MKLN1: variants seen among roughly 807,000 people sequenced by gnomAD.
The protein encoded by MKLN1 is muskelin 1.
Under a neutral mutation model 99.0 loss-of-function variants are expected in MKLN1, and 18 were observed. The ratio of observed to expected loss-of-function variants is 0.18; its 90% confidence interval spans 0.13 to 0.27. The LOEUF is 0.27. Among genes scored for constraint, MKLN1 ranks in the 10% least tolerant of loss-of-function variants. MKLN1 has a pLI of 1.00. For synonymous variants in MKLN1, 288 were observed against 293.2 expected (o/e 0.98, Z 0.18); for missense variants, 621 against 875.9 (o/e 0.71, Z 3.67).
rs1584833263 is a variant in MKLN1 at position 131,206,256 on chromosome 7, G to T, written c.-179+3282G>T. ...TCTGGGATAATCCCCATATTTTAAA[G>T]TAAACTAATTTGGAACTTAAATTAC... On this transcript the variant is annotated intron_variant, in intron 3 of 7. Transcript: ENST00000416992. Among the ~76,000 whole-genome samples the T allele has an allele frequency of 2.0e-5, 3 of 152,130 alleles. 1 individual carries two copies. In the East Asian group the frequency reaches 5.8e-4, roughly 29 times the overall value.
intron 2 of MKLN1, among the ~76,000 whole-genome samples, chr7:131,181,081 C>T (rs1376994979): frequency 6.6e-6 from 1 of 152,104 alleles, no homozygotes; most frequent in Non-Finnish European, 1.5e-5. Context: ...GGACGTTTTC[C>T]CCTTCCCATC....
At chr7:131,258,780 T>C (rs1020947434) in intron 3 of MKLN1, among the ~76,000 whole-genome samples, 1 of 152,182 alleles carries the variant, frequency 6.6e-6, no homozygotes, top group East Asian at 1.9e-4. Flanking sequence ...AAATATCTAT[T>C]CATGAAAAAG....
At chr7:131,475,762 G>A (rs1452477643) in intron 16 of MKLN1, among the ~76,000 whole-genome samples, 2 of 152,168 alleles carry the variant, frequency 1.3e-5, no homozygotes, top group African/African-American at 4.8e-5. Context: ...AGTGAGCTGT[G>A]ATCATACCAC....
chr7:131,444,183 C>G (rs115713833), intron 11 of MKLN1, among the ~76,000 whole-genome samples: 3,757 of 152,042 alleles, frequency 0.025, 151 homozygotes, highest in African/African-American at 0.085. Context: ...AACCCCATCC[C>G]CAGTAAAAAT....
intron 3 of MKLN1, among the ~76,000 whole-genome samples, chr7:131,319,588 G>A (rs948990727): frequency 1.3e-5 from 2 of 152,092 alleles, no homozygotes; most frequent in African/African-American, 4.8e-5. Context: ...TGGAAGTTCT[G>A]GCCCAGGGCA....
At chr7:131,236,684 G>A (rs1295112517) in intron 3 of MKLN1, among the ~76,000 whole-genome samples, 1 of 152,026 alleles carries the variant, frequency 6.6e-6, no homozygotes, top group Non-Finnish European at 1.5e-5. Flanking sequence ...AAAAAAAGTA[G>A]TGATGGAGAG....
intron 1 of MKLN1, among the ~76,000 whole-genome samples, chr7:131,134,511 C>A (rs758714984): frequency 6.6e-6 from 1 of 152,218 alleles, no homozygotes; most frequent in Non-Finnish European, 1.5e-5. Context: ...TTCATTTGCA[C>A]TGGATATCCC....
intron 12 of MKLN1, among the ~76,000 whole-genome samples, chr7:131,451,966 T>C (rs1416556997): frequency 2.0e-5 from 3 of 152,238 alleles, no homozygotes; most frequent in African/African-American, 7.2e-5. Flanking sequence ...CTTCTTCATT[T>C]GCCAAATGCT....
intron 2 of MKLN1, among the ~76,000 whole-genome samples, chr7:131,185,198 C>T (rs551661643): frequency 2.6e-5 from 4 of 152,220 alleles, no homozygotes; most frequent in African/African-American, 4.8e-5. Context: ...AGAGCAGCTG[C>T]GAACACAATT....
At chr7:131,435,052 A>G (rs375627890) in intron 9 of MKLN1, among the ~76,000 whole-genome samples, 4 of 152,268 alleles carry the variant, frequency 2.6e-5, no homozygotes, top group East Asian at 3.9e-4. Flanking sequence ...CTATTTTGCT[A>G]TGAGTTTTGA....
At chr7:131,248,706 G>A (rs1289610705) in intron 3 of MKLN1, among the ~76,000 whole-genome samples, 1 of 152,234 alleles carries the variant, frequency 6.6e-6, no homozygotes, top group South Asian at 2.1e-4. Flanking sequence ...AAAGTTGGTT[G>A]GTTTCTCATT....
At chr7:131,211,261 C>A (rs954750870) in intron 3 of MKLN1, among the ~76,000 whole-genome samples, 2 of 152,156 alleles carry the variant, frequency 1.3e-5, no homozygotes, top group African/African-American at 4.8e-5. Context: ...CAGTTATGTA[C>A]ATTAAAAGTT....
In MKLN1 at chr7:131,411,324, A is replaced by G. The variant is rs189632493; in HGVS notation, c.722A>G (p.Tyr241Cys). 7.5e-6 allele frequency: 12 copies of G among 1,608,876 alleles called. No individual in the cohort carries two copies. The highest frequency in any genetic ancestry group is 6.7e-5 in the African/African-American group (5 of 74,772). The change falls in exon 7 of 18, where the codon TAT becomes TGT. Residue 241 changes from tyrosine to cysteine, a missense_variant. Tyr to Cys is a radical substitution (Grantham distance 194). This residue lies in a region of MKLN1 where 361 missense variants were observed against 540.8 expected (regional missense o/e 0.67). Coordinates refer to ENST00000352689, the MANE Select transcript of MKLN1 (RefSeq NM_013255.5). ...KAVNDGLFNQYISQQEYKPRW... is the reference protein window; with the variant it reads ...KAVNDGLFNQCISQQEYKPRW... Reference sequence around the variant, plus strand: ...TTTGCAGATGGCTTGTTCAATCAGTATATCAGTCAACAGGAATATAAGCCA... The same window carrying G: ...TTTGCAGATGGCTTGTTCAATCAGTGTATCAGTCAACAGGAATATAAGCCA...
chr7:131,304,472 T>C (rs1395456059), intron 3 of MKLN1, among the ~76,000 whole-genome samples: 1 of 152,236 alleles, frequency 6.6e-6, no homozygotes, highest in Non-Finnish European at 1.5e-5. Context: ...GTTGTATAAA[T>C]GACCTTAGGC....
At chr7:131,234,598 T>A (rs1177893485) in intron 3 of MKLN1, among the ~76,000 whole-genome samples, 1 of 152,188 alleles carries the variant, frequency 6.6e-6, no homozygotes, top group Non-Finnish European at 1.5e-5. Context: ...AAAAATGATG[T>A]GTGGACTTAG....
Position 131,449,335 on chromosome 7 carries a change from A to T in MKLN1, c.1525+3432A>T, listed in dbSNP as rs1269014456. On this transcript the variant is annotated intron_variant, in intron 12 of 17. Coordinates refer to ENST00000352689, the MANE Select transcript of MKLN1 (RefSeq NM_013255.5). ...TATTTAGTGCCTTGTTACAAATGCA[A>T]GGAGTTTGGATTTTTTTTCTGAATA... is the stretch of plus-strand genomic sequence containing the variant. 2.0e-5 allele frequency among the ~76,000 whole-genome samples: 3 copies of T among 152,356 alleles called. No individual in the cohort carries two copies. The East Asian group carries it at 5.8e-4, about 29-fold the overall frequency.
chr7:131,210,747 AGGGAGGGAGGGGAGGGGG>A (rs1796890301), intron 3 of MKLN1, among the ~76,000 whole-genome samples: 1 of 54 alleles, frequency 0.019, no homozygotes. Context: ...GAAGGGAGGG[AGGGAGGGAGGGGAGGGGG>A]GAGGGGAGCA....
intron 2 of MKLN1, among the ~76,000 whole-genome samples, chr7:131,188,055 A>G (rs748551354): frequency 3.9e-5 from 6 of 152,186 alleles, no homozygotes; most frequent in African/African-American, 4.8e-5. Flanking sequence ...AAAACAAGGT[A>G]TTGGGTTGGT....
chr7:131,414,521 A>T (rs1794961712), intron 7 of MKLN1, 124 bp from the exon 8 acceptor site: 7 of 553,562 alleles, frequency 1.3e-5, no homozygotes, highest in Non-Finnish European at 2.2e-5. Context: ...CCTTTTACTT[A>T]TTAATATTTT....
Sources: gnomAD v4.1 joint callset for allele counts (sites outside exome capture counted in the v4.1 genomes callset) on GRCh38, gnomAD v4.1.1 for gene constraint, gnomAD v4.1.1 regional missense constraint, MANE v1.5 for transcripts, NCBI Gene and HGNC (gene_info 2026-07-23, HGNC 2026-07-21) for gene names.